INTU: variants seen among roughly 807,000 people sequenced by gnomAD.
INTU encodes inturned planar cell polarity protein.
INTU carries 68 observed loss-of-function variants against 100.5 expected under a neutral mutation model. The observed-to-expected ratio is 0.68, with a 90% CI of 0.56 to 0.83. The LOEUF (loss-of-function observed/expected upper bound fraction) is 0.83. Ranked by LOEUF, INTU falls within the 40% of genes least tolerant of loss-of-function variation. INTU has a pLI of 0.00. For synonymous variants in INTU, 357 were observed against 395.7 expected, an observed-to-expected ratio of 0.90 and a Z score of 1.16; for missense variants, 1,071 against 1,114.7, an observed-to-expected ratio of 0.96 and a Z score of 0.56.
chr4:127,644,102 A>G (rs751709806), intron 2 of INTU, 46 bp downstream of exon 2: 2 of 1,549,444 alleles, frequency 1.3e-6, no homozygotes, highest in Non-Finnish European at 8.7e-7. Flanking sequence ...AGAGATCTTG[A>G]TTAATGATGA....
At chr4:127,673,398 T>G (rs1297182029) in intron 5 of INTU, among the ~76,000 whole-genome samples, 1 of 151,260 alleles carries the variant, frequency 6.6e-6, no homozygotes, top group Non-Finnish European at 1.5e-5. Flanking sequence ...TTCCCCAGGC[T>G]GGTCTCAAAC....
intron 6 of INTU, among the ~76,000 whole-genome samples, chr4:127,682,530 G>T (rs1353731317): frequency 6.9e-6 from 1 of 145,926 alleles, no homozygotes; most frequent in Non-Finnish European, 1.5e-5. Flanking sequence ...TCACTCATAG[G>T]TGGGAATTGA....
At chr4:127,639,016 A>G (rs756753040) in intron 1 of INTU, among the ~76,000 whole-genome samples, 1 of 152,146 alleles carries the variant, frequency 6.6e-6, no homozygotes, top group Non-Finnish European at 1.5e-5. Flanking sequence ...TTAGATTTAC[A>G]CAAGAGTTCC....
chr4:127,679,672 C>A (rs1729422456), intron 6 of INTU, among the ~76,000 whole-genome samples: 1 of 151,310 alleles, frequency 6.6e-6, no homozygotes, highest in Non-Finnish European at 1.5e-5. Flanking sequence ...AAATTGACAC[C>A]CTAACATCAC....
At chr4:127,691,330 G>C (rs1458389339) in intron 8 of INTU, among the ~76,000 whole-genome samples, 3 of 152,116 alleles carry the variant, frequency 2.0e-5, no homozygotes, top group Admixed American at 1.3e-4. Context: ...AGTTTTGTAA[G>C]AAACTACCAA....
intron 6 of INTU, among the ~76,000 whole-genome samples, chr4:127,677,585 C>A (rs1729283332): frequency 1.3e-5 from 2 of 151,844 alleles, no homozygotes; most frequent in Non-Finnish European, 2.9e-5. Context: ...GACATCCACA[C>A]CAAAAACCCA....
chr4:127,647,585 G>T (rs1727644619), intron 2 of INTU, among the ~76,000 whole-genome samples: 1 of 152,152 alleles, frequency 6.6e-6, no homozygotes, highest in Admixed American at 6.5e-5. Flanking sequence ...TGCTGTGTAA[G>T]GTAGCATATT....
intron 3 of INTU, among the ~76,000 whole-genome samples, chr4:127,661,794 G>T (rs890072945): frequency 1.2e-4 from 19 of 152,142 alleles, no homozygotes; most frequent in African/African-American, 4.3e-4. Flanking sequence ...GGAATTTGGG[G>T]TAGATACCCA....
intron 1 of INTU, among the ~76,000 whole-genome samples, chr4:127,633,403 G>GT (rs898539216): frequency 3.9e-5 from 6 of 152,058 alleles, no homozygotes; most frequent in Non-Finnish European, 7.4e-5. Context: ...GTTTTGTTTT[G>GT]TTTTTTCAAT....
At chr4:127,671,799 AAATT>A (rs1215958773) in intron 5 of INTU, among the ~76,000 whole-genome samples, 1 of 152,178 alleles carries the variant, frequency 6.6e-6, no homozygotes, top group Admixed American at 6.5e-5. Flanking sequence ...TAAATGGAGT[AAATT>A]AAATAAATAA....
chr4:127,639,205 A>G (rs1405940261), intron 1 of INTU, among the ~76,000 whole-genome samples: 1 of 152,090 alleles, frequency 6.6e-6, no homozygotes. Context: ...CTATTCCAGG[A>G]TTCAATCCAG....
chr4:127,664,159 A>T (rs540842391), intron 4 of INTU, among the ~76,000 whole-genome samples: 2 of 152,180 alleles, frequency 1.3e-5, no homozygotes, highest in Admixed American at 1.3e-4. Flanking sequence ...ATTATTTTTT[A>T]AATTCATTTT....
At position 127,725,788 on chromosome 4, in the gene INTU, CAT is replaced by C. The variant is rs1560626710; in HGVS notation, c.*9353_*9354del. 1.3e-5 allele frequency: 2 copies of C among 152,188 alleles called. No individual in the cohort carries two copies. The highest frequency in any genetic ancestry group is 4.8e-5 in the African/African-American group (2 of 41,440). 9.4% of individuals were successfully genotyped at this position (152,188 alleles called of 1,614,324 possible). On this transcript the variant is annotated 3_prime_UTR_variant, in exon 16 of 16. Transcript: ENST00000335251. ...TGCATTTTTAAGAAATAAAATCACA[CAT>C]CTTATTTTTTCATTTCTAAATGGAT... is the stretch of plus-strand genomic sequence containing the variant.
intron 6 of INTU, among the ~76,000 whole-genome samples, chr4:127,682,201 G>C (rs906067733): frequency 1.6e-4 from 25 of 152,134 alleles, no homozygotes; most frequent in Admixed American, 1.1e-3. Flanking sequence ...TGTGGCGATT[G>C]CTCAGGGATC....
chr4:127,706,495 T>C lies in INTU; in HGVS notation c.1797T>C (p.Tyr599=). 6.2e-7 allele frequency: 1 copy of C among 1,606,366 alleles called. No homozygotes were observed. Among genetic ancestry groups the C allele is most frequent in the Non-Finnish European group, 8.5e-7 (1 of 1,176,168 alleles). ...YFLLVVGLKH[Y]MLCVLLEAGG... ...AATTTTTTTCCCTATAGAAACATTATATGCTATGTGTACTATTAGAAGCTG... is the reference window on the plus strand; with the variant it reads ...AATTTTTTTCCCTATAGAAACATTACATGCTATGTGTACTATTAGAAGCTG... The change falls in exon 12 of 16, where the codon TAT becomes TAC. Residue 599 remains tyrosine (Y), a synonymous_variant. Transcript: ENST00000335251.
At chr4:127,687,388 G>A (rs555491910) in intron 7 of INTU, 3 of 177,448 alleles carry the variant, frequency 1.7e-5, no homozygotes, top group East Asian at 2.9e-4. Context: ...TACAAAAAGG[G>A]TACTTCAGCC....
At chr4:127,638,432 T>G (rs2126172693) in intron 1 of INTU, among the ~76,000 whole-genome samples, 1 of 152,288 alleles carries the variant, frequency 6.6e-6, no homozygotes, top group Middle Eastern at 3.4e-3. Flanking sequence ...ATAACTCCTT[T>G]CTTGTGGTAG....
chr4:127,644,001 G>T lies in INTU; in HGVS notation c.627G>T (p.Val209=), dbSNP rs1384690540. ...TGKQGDGERL[V]VHGLLPGGSA... is the part of the protein sequence containing the mutation. ...AGCAGGGTGATGGAGAGAGGCTTGTGGTTCATGGCCTGCTGCCAGGGGGAT... is the reference window on the plus strand; with the variant it reads ...AGCAGGGTGATGGAGAGAGGCTTGTTGTTCATGGCCTGCTGCCAGGGGGAT... Residue 209 remains valine, a synonymous_variant, in exon 2 of 16, where the codon GTG becomes GTT. Transcript: ENST00000335251. The T allele has an allele frequency of 6.2e-7, 1 of 1,614,100 alleles. No homozygotes were observed. Among genetic ancestry groups the T allele is most frequent in the Non-Finnish European group, 8.5e-7 (1 of 1,180,028 alleles).
intron 4 of INTU, among the ~76,000 whole-genome samples, 179 bp from the exon 5 acceptor site, chr4:127,668,856 TA>T (rs978153238): frequency 3.3e-5 from 5 of 151,926 alleles, no homozygotes; most frequent in Non-Finnish European, 5.9e-5. Flanking sequence ...TGTAGTCTTT[TA>T]CATGCTAGTT....
Sources: allele counts gnomAD v4.1 joint callset (sites outside exome capture counted in the v4.1 genomes callset), GRCh38; gene constraint gnomAD v4.1.1; transcripts MANE v1.5; gene names NCBI Gene and HGNC (gene_info 2026-07-23, HGNC 2026-07-21).